The following EIF4G3 variants were observed in gnomAD, a reference collection of about 807,000 sequenced individuals.
The protein encoded by EIF4G3 is eIF-4-gamma 3.
EIF4G3 carries 34 observed loss-of-function variants against 186.4 expected under a neutral mutation model. That is an observed-to-expected ratio of 0.18 (90% CI 0.14 to 0.24). EIF4G3 has a LOEUF of 0.24. Ranked by LOEUF, EIF4G3 falls within the 10% of genes least tolerant of loss-of-function variation. The pLI, the probability that EIF4G3 is intolerant of heterozygous loss-of-function variation, is 1.00. For missense variants in EIF4G3, 1,536 were observed against 1,948.5 expected, an observed-to-expected ratio of 0.79 and a Z score of 3.99; for synonymous variants, 673 against 679.5, an observed-to-expected ratio of 0.99 and a Z score of 0.15.
At chr1:21,016,756 T>C (rs1346005185) in intron 4 of EIF4G3, among the ~76,000 whole-genome samples, 2 of 151,508 alleles carry the variant, frequency 1.3e-5, no homozygotes, top group African/African-American at 2.4e-5. Flanking sequence ...AGACCTGAGG[T>C]CAGGAGTTCA....
intron 16 of EIF4G3, among the ~76,000 whole-genome samples, chr1:20,899,438 T>C (rs551398231): frequency 3.3e-5 from 5 of 152,178 alleles, no homozygotes; most frequent in Non-Finnish European, 5.9e-5. Flanking sequence ...CCCACTAGCA[T>C]GGCACTGTCT....
intron 2 of EIF4G3, among the ~76,000 whole-genome samples, chr1:21,132,304 T>C (rs903482741): frequency 6.6e-6 from 1 of 152,110 alleles, no homozygotes; most frequent in Admixed American, 6.6e-5. Context: ...TGTCCATCTA[T>C]AGCTTGGAAT....
At chr1:20,965,581 GATA>G (rs1467767121) in intron 12 of EIF4G3, among the ~76,000 whole-genome samples, 10 of 74,360 alleles carry the variant, frequency 1.3e-4, no homozygotes, top group Admixed American at 2.6e-4. Context: ...CCTGAAATAT[GATA>G]ATAATAGCCT....
chr1:21,110,472 T>C (rs1490404198), intron 2 of EIF4G3, among the ~76,000 whole-genome samples: 1 of 152,110 alleles, frequency 6.6e-6, no homozygotes, highest in African/African-American at 2.4e-5. Context: ...TTTTTTGTAT[T>C]TTAGTAGAGA....
At chr1:20,862,861 A>G (rs546907013) in intron 22 of EIF4G3, among the ~76,000 whole-genome samples, 38 of 152,186 alleles carry the variant, frequency 2.5e-4, no homozygotes, top group African/African-American at 6.5e-4. Flanking sequence ...TGCAGCCTCA[A>G]TCTCCTGGGC....
intron 3 of EIF4G3, among the ~76,000 whole-genome samples, chr1:21,087,542 C>G (rs1442803659): frequency 6.6e-6 from 1 of 152,204 alleles, no homozygotes; most frequent in Non-Finnish European, 1.5e-5. Flanking sequence ...TGTCTATAAT[C>G]CCAGCACTTT....
In EIF4G3 at chr1:20,966,869, C is replaced by T. The variant is rs145707780; in HGVS notation, c.714+2605G>A. On this transcript the variant is annotated intron_variant, in intron 12 of 36. Transcript: ENST00000602326. The stretch of plus-strand genomic sequence containing the variant: ...AGGAAAATGAAATATCTCTAGTACA[C>T]GTCTCTGTTAAAAAGCTATTCGTTC... Among the ~76,000 whole-genome samples the T allele has an allele frequency of 5.3e-4, 80 of 152,254 alleles. No homozygotes were observed. The East Asian group carries it at 5.4e-3, about 10-fold the overall frequency.
At chr1:21,155,160 G>C (rs887426966) in intron 2 of EIF4G3, among the ~76,000 whole-genome samples, 1 of 151,164 alleles carries the variant, frequency 6.6e-6, no homozygotes, top group Admixed American at 6.6e-5. Flanking sequence ...CTACTTGGGA[G>C]GCTGAGGCAG....
chr1:20,995,767 G>A (rs996548828), intron 7 of EIF4G3, among the ~76,000 whole-genome samples: 1 of 152,120 alleles, frequency 6.6e-6, no homozygotes, highest in Non-Finnish European at 1.5e-5. Context: ...CAATGGTAAC[G>A]TTAATTCCCT....
At chr1:20,927,440 A>G (rs927700461) in intron 14 of EIF4G3, among the ~76,000 whole-genome samples, 4 of 152,256 alleles carry the variant, frequency 2.6e-5, no homozygotes, top group Non-Finnish European at 4.4e-5. Flanking sequence ...TCTGGCATCC[A>G]GCAGCAATAT....
intron 9 of EIF4G3, 75 bp from the exon 10 acceptor site, chr1:20,980,523 A>G: frequency 9.9e-7 from 1 of 1,009,220 alleles, no homozygotes; most frequent in South Asian, 1.8e-5. Flanking sequence ...AATAATAAGA[A>G]AGTAGCTTAC....
chr1:20,818,190 ACT>A (rs1397676856), intron 33 of EIF4G3, among the ~76,000 whole-genome samples: 1 of 151,862 alleles, frequency 6.6e-6, no homozygotes, highest in African/African-American at 2.4e-5. Context: ...GTACAATTTC[ACT>A]CTCTTTCTGC....
chr1:21,073,901 G>T, intron 3 of EIF4G3: 1 of 224,780 alleles, frequency 4.4e-6, no homozygotes, highest in Non-Finnish European at 9.3e-6. Flanking sequence ...TGACCTCTGA[G>T]GCTCAAATGA....
rs755318963 is a variant in EIF4G3, at chr1:20,899,862, T to G, written c.1834A>C (p.Arg612=). 6 of 1,614,050 alleles carry G rather than the reference T, an allele frequency of 3.7e-6. No homozygotes were observed. The highest frequency in any genetic ancestry group is 5.1e-6 in the Non-Finnish European group (6 of 1,180,020). The change falls in exon 16 of 37, where the codon AGA becomes CGA. Residue 612 remains arginine (R), a synonymous_variant. Coordinates refer to ENST00000602326, the MANE Select transcript of EIF4G3 (RefSeq NM_001391906.1). ...DKMSQGFHPE[R]DPSDLKKVKA... The stretch of plus-strand genomic sequence containing the variant: ...ACTTTTTTTAGGTCAGAGGGGTCTC[T>G]TTCAGGATGAAACCCCTGGCTCATT...
At chr1:21,005,134 T>C (rs1194666097) in intron 4 of EIF4G3, among the ~76,000 whole-genome samples, 1 of 152,176 alleles carries the variant, frequency 6.6e-6, no homozygotes, top group Non-Finnish European at 1.5e-5. Context: ...GGCTGAAAGT[T>C]TGACTATTTT....
chr1:21,126,845 A>G (rs1420735220), intron 2 of EIF4G3, among the ~76,000 whole-genome samples: 2 of 152,154 alleles, frequency 1.3e-5, no homozygotes, highest in Non-Finnish European at 2.9e-5. Flanking sequence ...CCTGATATAA[A>G]TGATCTAGTA....
chr1:21,035,520 C>T (rs551938664), intron 4 of EIF4G3, among the ~76,000 whole-genome samples: 1 of 152,340 alleles, frequency 6.6e-6, no homozygotes, highest in East Asian at 1.9e-4. Flanking sequence ...GCTCTGGTCT[C>T]CAATTGGGGT....
chr1:20,992,027 G>T (rs2081245018), intron 7 of EIF4G3, among the ~76,000 whole-genome samples: 1 of 152,028 alleles, frequency 6.6e-6, no homozygotes, highest in Admixed American at 6.6e-5. Flanking sequence ...GAAACTTGAG[G>T]CCCAAAGATA....
intron 36 of EIF4G3, among the ~76,000 whole-genome samples, chr1:20,807,851 C>G (rs1180548225): frequency 6.8e-6 from 1 of 147,992 alleles, no homozygotes; most frequent in African/African-American, 2.5e-5. Context: ...CAACCTCTAC[C>G]TCCTGGGTTT....
Sources: gnomAD v4.1 joint callset for allele counts (sites outside exome capture counted in the v4.1 genomes callset) on GRCh38, gnomAD v4.1.1 for gene constraint, MANE v1.5 for transcripts, NCBI Gene and HGNC (gene_info 2026-07-23, HGNC 2026-07-21) for gene names.